RPN1: variants seen among roughly 807,000 people sequenced by gnomAD.
RPN1 encodes the protein dolichyl-diphosphooligosaccharide--protein glycosyltransferase subunit 1.
RPN1 carries 12 observed loss-of-function variants against 55.5 expected under a neutral mutation model. That is an observed-to-expected ratio of 0.22 (90% CI 0.14 to 0.35). RPN1 has a LOEUF of 0.35. Among genes scored for constraint, RPN1 ranks in the 10% least tolerant of loss-of-function variants. The pLI is 1.00. For synonymous variants in RPN1, 317 were observed against 305.9 expected, an observed-to-expected ratio of 1.04 and a Z score of -0.38; for missense variants, 679 against 761.3, an observed-to-expected ratio of 0.89 and a Z score of 1.27.
At chr3:128,643,851 T>C (rs987912377) in intron 2 of RPN1, among the ~76,000 whole-genome samples, 3 of 151,062 alleles carry the variant, frequency 2.0e-5, no homozygotes, top group Admixed American at 6.6e-5. Context: ...TAATCCCAGA[T>C]ACTCGGGAGC....
intron 8 of RPN1, among the ~76,000 whole-genome samples, chr3:128,622,773 T>G (rs1401482321): frequency 6.6e-6 from 1 of 151,888 alleles, no homozygotes; most frequent in Non-Finnish European, 1.5e-5. Flanking sequence ...GGCAGGCACC[T>G]GTAATCTCAG....
chr3:128,627,940 T>C (rs1399259248), intron 5 of RPN1, among the ~76,000 whole-genome samples: 2 of 152,282 alleles, frequency 1.3e-5, no homozygotes, highest in African/African-American at 4.8e-5. Flanking sequence ...ATGTAAGTCA[T>C]GCAAGAACAA....
chr3:128,650,327 C>G (rs2069807331), intron 1 of RPN1, among the ~76,000 whole-genome samples: 1 of 152,150 alleles, frequency 6.6e-6, no homozygotes, highest in African/African-American at 2.4e-5. Flanking sequence ...GGAGGGCGGG[C>G]GCGCACCGGG....
At chr3:128,634,329 G>GAA (rs77524482) in intron 3 of RPN1, among the ~76,000 whole-genome samples, 7 of 133,948 alleles carry the variant, frequency 5.2e-5, no homozygotes, top group African/African-American at 1.1e-4. Context: ...CTGTCTTAAG[G>GAA]AAAAAAAAAA....
rs201296544 is a variant in RPN1 at position 128,625,556 on chromosome 3, C to A, written c.1373G>T (p.Arg458Leu). 2 of 1,613,818 alleles carry A rather than the reference C, an allele frequency of 1.2e-6. No individual in the cohort carries two copies. The highest frequency in any genetic ancestry group is 1.1e-5 in the South Asian group (1 of 91,070). The change falls in exon 8 of 10, where the codon CGG becomes CTG. Residue 458 changes from arginine (R) to leucine (L), a missense_variant. Coordinates refer to ENST00000296255, the MANE Select transcript of RPN1 (RefSeq NM_002950.4). ...TACCTTGGTGATGGAGAAGTCCAGC[C>A]GAACATAGATGATAACGGTGAAGAA... ...ILFFTVIIYV[R>L]LDFSITKDPA...
chr3:128,649,813 T>C (rs1200020337), intron 1 of RPN1, among the ~76,000 whole-genome samples: 1 of 152,192 alleles, frequency 6.6e-6, no homozygotes, highest in East Asian at 1.9e-4. Flanking sequence ...TGGACTTTCC[T>C]TTTCTGTACA....
In RPN1 at chr3:128,638,015, A is replaced by G; in HGVS notation, c.417T>C (p.Leu139=). ...VIVETVYTHV[L]HPYPTQITQS... ...GGGTGATCTGGGTTGGATACGGATG[A>G]AGCACATGGGTGTAGACTGTTTCCA... The change falls in exon 3 of 10, where the codon CTT becomes CTC. Residue 139 remains leucine, a synonymous_variant. Transcript: ENST00000296255. 1 of 1,614,130 alleles carries G rather than the reference A, an allele frequency of 6.2e-7. No individual in the cohort carries two copies. Among genetic ancestry groups the G allele is most frequent in the South Asian group, 1.1e-5 (1 of 91,084 alleles).
Position 128,637,823 on chromosome 3 carries a change from G to C in RPN1, c.609C>G (p.Phe203Leu), listed in dbSNP as rs115466774. The change falls in exon 3 of 10, where the codon TTC (phenylalanine) becomes TTG (leucine). Residue 203 changes from phenylalanine (F) to leucine (L), a missense_variant. Physicochemically the swap from Phe to Leu is conservative, Grantham distance 22 (BLOSUM62 0). This residue lies in a region of RPN1 where 352 missense variants were observed against 352.8 expected (regional missense o/e 1.00). Coordinates refer to ENST00000296255, the MANE Select transcript of RPN1 (RefSeq NM_002950.4). ...RSEDLLDYGP[F>L]RDVPAYSQDT... The stretch of plus-strand genomic sequence containing the variant: ...CCTGACTATAGGCAGGCACATCTCT[G>C]AAAGGCCCATAATCCAGTAGGTCCT... 1.0e-3 allele frequency: 1,659 copies of C among 1,612,790 alleles called. 16 individuals carry two copies. The African/African-American group carries it at 0.019, about 19-fold the overall frequency.
At chr3:128,643,023 A>AAAAAAAG (rs1221945581) in intron 2 of RPN1, among the ~76,000 whole-genome samples, 2 of 151,114 alleles carry the variant, frequency 1.3e-5, no homozygotes, top group South Asian at 2.1e-4. Context: ...CCGTCTCAAA[A>AAAAAAAG]AAAAAAGAAA....
Position 128,620,801 on chromosome 3 carries a change from C to T in RPN1, c.1642-208G>A, listed in dbSNP as rs148311299. On this transcript the variant is annotated intron_variant, in intron 9 of 9. Transcript: ENST00000296255. ...TGCCAACTTCACCACCCACAAGCCCCGTTCTTACGCCCTTGTGAACAAGCC... is the reference window on the plus strand; with the variant it reads ...TGCCAACTTCACCACCCACAAGCCCTGTTCTTACGCCCTTGTGAACAAGCC... Among the ~76,000 whole-genome samples the T allele has an allele frequency of 8.4e-3, 1,277 of 152,334 alleles. 15 individuals carry two copies. Among genetic ancestry groups the T allele is most frequent in the South Asian group, 0.049 (237 of 4,824 alleles).
Position 128,620,318 on chromosome 3 carries a change from C to G in RPN1, c.*93G>C. 4 of 1,202,054 alleles carry G rather than the reference C, an allele frequency of 3.3e-6. No individual in the cohort carries two copies. The South Asian group carries it at 6.8e-5, about 20-fold the overall frequency. The allele number at this position is 1,202,054 out of a possible 1,614,324, so 74.5% of individuals were successfully genotyped here. On this transcript the variant is annotated 3_prime_UTR_variant, in exon 10 of 10. Coordinates refer to ENST00000296255, the MANE Select transcript of RPN1 (RefSeq NM_002950.4). Reference sequence around the variant, plus strand: ...GGCCTTTTACAGATGTCAGCTTTCACTGGCCTCCATGCACAACCTCCCACT... The same window carrying G: ...GGCCTTTTACAGATGTCAGCTTTCAGTGGCCTCCATGCACAACCTCCCACT...
chr3:128,622,838 A>G (rs1019129685), intron 8 of RPN1, among the ~76,000 whole-genome samples: 5 of 151,444 alleles, frequency 3.3e-5, no homozygotes, highest in African/African-American at 4.9e-5. Flanking sequence ...CGGAGGTTGC[A>G]GTGAGCCGAG....
At chr3:128,645,305 C>T (rs2069758257) in intron 1 of RPN1, among the ~76,000 whole-genome samples, 1 of 152,010 alleles carries the variant, frequency 6.6e-6, no homozygotes, top group African/African-American at 2.4e-5. Flanking sequence ...AACCCCATCT[C>T]TACTAAAAAT....
In RPN1 at chr3:128,620,213, T is replaced by TTTA; in HGVS notation, c.*197_*198insTAA. ...GAGTTTTTTTAAAGTTTTCTTTTTT[T>TTTA]AAAAAAAAAAAAAAAGAAAGTTAAG... On this transcript the variant is annotated 3_prime_UTR_variant, in exon 10 of 10. Coordinates refer to ENST00000296255, the MANE Select transcript of RPN1 (RefSeq NM_002950.4). The TTTA allele has an allele frequency of 3.0e-6, 1 of 332,186 alleles. No homozygotes were observed. Among genetic ancestry groups the TTTA allele is most frequent in the Non-Finnish European group, 5.3e-6 (1 of 187,514 alleles). The allele number at this position is 332,186 out of a possible 1,614,324, so 20.6% of individuals were successfully genotyped here.
rs2069605834 is a variant in RPN1 at position 128,627,221 on chromosome 3, A to C, written c.1037-389T>G. ...AGCAGTTGTGCCCTGCCTAATGGTG[A>C]GTGAAACGGGCCTGCAGAAGGTCTA... On this transcript the variant is annotated intron_variant, in intron 5 of 9. Transcript: ENST00000296255. 7 of 235,472 alleles carry C rather than the reference A, an allele frequency of 3.0e-5. No homozygotes were observed. In the South Asian group the frequency reaches 3.8e-4, roughly 13 times the overall value. 14.6% of individuals were successfully genotyped at this position (235,472 alleles called of 1,614,324 possible).
intron 5 of RPN1, among the ~76,000 whole-genome samples, chr3:128,627,579 T>C (rs2069608653): frequency 6.6e-6 from 1 of 151,988 alleles, no homozygotes; most frequent in Non-Finnish European, 1.5e-5. Context: ...AAGACCAGCC[T>C]GGCCAACATG....
At chr3:128,645,506 G>T (rs1467354645) in intron 1 of RPN1, among the ~76,000 whole-genome samples, 2 of 151,610 alleles carry the variant, frequency 1.3e-5, no homozygotes, top group Non-Finnish European at 2.9e-5. Context: ...CTATAAATGC[G>T]TAACATTTTC....
At position 128,625,597 on chromosome 3, in the gene RPN1, C is replaced by T. The variant is rs142627975; in HGVS notation, c.1332G>A (p.Ala444=). 292 of 1,613,970 alleles carry T rather than the reference C, an allele frequency of 1.8e-4. No homozygotes were observed. In the East Asian group the frequency reaches 4.6e-3, roughly 26 times the overall value. Residue 444 remains alanine (A), a synonymous_variant, in exon 8 of 10, where the codon GCG becomes GCA. Coordinates refer to ENST00000296255, the MANE Select transcript of RPN1 (RefSeq NM_002950.4). Reference sequence around the variant, plus strand: ...CGGTGAAGAACAGGATGTAGAAGGCCGCCACCACCAGCAGGGGCTCCTGCA... The same window carrying T: ...CGGTGAAGAACAGGATGTAGAAGGCTGCCACCACCAGCAGGGGCTCCTGCA... ...LMLQEPLLVV[A]AFYILFFTVI...
chr3:128,632,244 A>C (rs760343422), intron 3 of RPN1, 87 bp from the exon 4 acceptor site: 3 of 1,206,234 alleles, frequency 2.5e-6, no homozygotes, highest in Non-Finnish European at 3.6e-6. Context: ...GACAACCTAT[A>C]TATCAGCAAC....
Sources: allele counts gnomAD v4.1 joint callset (sites outside exome capture counted in the v4.1 genomes callset), GRCh38; gene constraint gnomAD v4.1.1; regional missense constraint gnomAD v4.1.1; transcripts MANE v1.5; gene names NCBI Gene and HGNC (gene_info 2026-07-23, HGNC 2026-07-21).